Variants in NRXN3 observed in about 807,000 individuals in gnomAD.
NRXN3 encodes the protein neurexin 3.
Under a neutral mutation model 137.6 loss-of-function variants are expected in NRXN3, and 32 were observed. The ratio of observed to expected loss-of-function variants is 0.23; its 90% CI spans 0.18 to 0.31. The LOEUF is 0.31. NRXN3 is among the 10% of genes least tolerant of loss of function. The pLI, the probability that NRXN3 is intolerant of heterozygous loss-of-function variation, is 1.00. For synonymous variants in NRXN3, 798 were observed against 784.5 expected (o/e 1.02, Z -0.29); for missense variants, 1,574 against 2,062.5 (o/e 0.76, Z 4.59).
chr14:78,455,775 A>G (rs1297445374), intron 4 of NRXN3, among the ~76,000 whole-genome samples: 1 of 152,094 alleles, frequency 6.6e-6, no homozygotes, highest in Admixed American at 6.5e-5. Context: ...CCCACCTTCT[A>G]TCACCAGTGG....
At chr14:78,580,070 T>C (rs1022064651) in intron 4 of NRXN3, among the ~76,000 whole-genome samples, 2 of 152,144 alleles carry the variant, frequency 1.3e-5, no homozygotes, top group African/African-American at 4.8e-5. Context: ...CAAATGCTAA[T>C]TGTTTTTATC....
chr14:79,370,004 G>C (rs113020454), intron 15 of NRXN3, among the ~76,000 whole-genome samples: 1 of 152,154 alleles, frequency 6.6e-6, no homozygotes, highest in African/African-American at 2.4e-5. Flanking sequence ...TTTCTTGGGC[G>C]CATTGACCTT....
At chr14:79,279,407 C>G (rs960734527) in intron 15 of NRXN3, 2 of 986,084 alleles carry the variant, frequency 2.0e-6, no homozygotes, top group African/African-American at 3.5e-5. Context: ...CCTCCCTGGT[C>G]CGCGCACTTC....
rs78779439 is a variant in NRXN3 at position 79,559,438 on chromosome 14, A to G, written c.3444+92036A>G. ...GGGAGACCCAAGGAAAGGGGAAGAG[A>G]TTAGCGAGTGGCTGGTCAGTGGAGC... On this transcript the variant is annotated intron_variant, in intron 16 of 20. Coordinates refer to ENST00000335750, the MANE Select transcript of NRXN3 (RefSeq NM_001330195.2). Among the ~76,000 whole-genome samples, 956 of 152,234 alleles carry G rather than the reference A, an allele frequency of 6.3e-3. 12 individuals are homozygous for G. Among genetic ancestry groups the G allele is most frequent in the Middle Eastern group, 0.037 (11 of 294 alleles).
chr14:78,435,096 G>A (rs575654884), intron 4 of NRXN3, among the ~76,000 whole-genome samples: 33 of 152,328 alleles, frequency 2.2e-4, no homozygotes, highest in African/African-American at 7.7e-4. Flanking sequence ...AAAGAGACTT[G>A]TGTGCAATCT....
chr14:79,542,214 A>G (rs1018611746), intron 16 of NRXN3, among the ~76,000 whole-genome samples: 3 of 152,226 alleles, frequency 2.0e-5, no homozygotes, highest in Non-Finnish European at 4.4e-5. Flanking sequence ...CAATAGAAGA[A>G]TAACAAGATC....
chr14:79,358,609 GAAAGAAAGAAAGAA>G (rs2093544205), intron 15 of NRXN3, among the ~76,000 whole-genome samples: 1 of 53,356 alleles, frequency 1.9e-5, no homozygotes, highest in East Asian at 8.1e-4. Context: ...GAAAGAAAGA[GAAAGAAAGAAAGAA>G]AGAAAGAAAG....
chr14:79,563,573 G>A (rs764943304), intron 16 of NRXN3, among the ~76,000 whole-genome samples: 48 of 151,502 alleles, frequency 3.2e-4, no homozygotes, highest in Non-Finnish European at 6.6e-4. Flanking sequence ...TTAACGGTAG[G>A]ATTTTTTCCG....
At chr14:79,245,755 C>T (rs1296501130) in intron 15 of NRXN3, among the ~76,000 whole-genome samples, 1 of 152,104 alleles carries the variant, frequency 6.6e-6, no homozygotes, top group African/African-American at 2.4e-5. Flanking sequence ...ACTGATTTTC[C>T]GTTGTTTATT....
chr14:79,141,684 C>A (rs2058799427), intron 15 of NRXN3, among the ~76,000 whole-genome samples: 1 of 152,140 alleles, frequency 6.6e-6, no homozygotes, highest in Non-Finnish European at 1.5e-5. Context: ...TTTTCTGAAA[C>A]CATCCTGAGA....
At chr14:78,252,999 G>A (rs767727579) in intron 2 of NRXN3, among the ~76,000 whole-genome samples, 1 of 152,150 alleles carries the variant, frequency 6.6e-6, no homozygotes, top group Non-Finnish European at 1.5e-5. Context: ...TTCCAGACGG[G>A]GCCCTGTATC....
intron 19 of NRXN3, among the ~76,000 whole-genome samples, chr14:79,721,132 A>T (rs543914225): frequency 1.3e-5 from 2 of 152,302 alleles, no homozygotes; most frequent in Admixed American, 1.3e-4. Flanking sequence ...TCATAAATGC[A>T]TTCCATTTAG....
At chr14:79,365,491 G>T (rs8008332) in intron 15 of NRXN3, among the ~76,000 whole-genome samples, 4 of 150,162 alleles carry the variant, frequency 2.7e-5, no homozygotes, top group African/African-American at 7.3e-5. Flanking sequence ...AGGCCGAGGC[G>T]GGTGGATCAT....
At chr14:78,536,762 C>T (rs573960914) in intron 4 of NRXN3, among the ~76,000 whole-genome samples, 1 of 151,518 alleles carries the variant, frequency 6.6e-6, no homozygotes, top group Admixed American at 6.6e-5. Flanking sequence ...CCCCCAGCCC[C>T]CCACCCATGA....
At chr14:78,938,848 C>CTTTTTCTTT (rs1292820804) in intron 10 of NRXN3, among the ~76,000 whole-genome samples, 7 of 132,036 alleles carry the variant, frequency 5.3e-5, no homozygotes, top group African/African-American at 2.0e-4. Flanking sequence ...AGTGATTTTT[C>CTTTTTCTTT]TTTTTTTTTT....
Position 79,861,259 on chromosome 14 carries a change from G to A in NRXN3, c.4094-83G>A, listed in dbSNP as rs2099413437. Reference sequence around the variant, plus strand: ...ATGATGATGGCTTGGTGATATCTGGGTATGGCTCAGGGGAAACCTTTGACT... The same window carrying A: ...ATGATGATGGCTTGGTGATATCTGGATATGGCTCAGGGGAAACCTTTGACT... On this transcript the variant is annotated intron_variant, in intron 20 of 20. Transcript: ENST00000335750. This position sits in a 1 kb window ranked among gnomAD's most constrained non-coding sequence, Gnocchi z 5.4. 3 of 1,535,858 alleles carry A rather than the reference G, an allele frequency of 2.0e-6. No homozygotes were observed. The highest frequency in any genetic ancestry group is 2.4e-5 in the East Asian group (1 of 40,906).
chr14:78,541,771 T>C (rs1252705582), intron 4 of NRXN3, among the ~76,000 whole-genome samples: 1 of 152,202 alleles, frequency 6.6e-6, no homozygotes, highest in Non-Finnish European at 1.5e-5. Context: ...CCTTTGGTCT[T>C]TGATGTTGGT....
At chr14:78,773,325 C>T (rs1189649978) in intron 8 of NRXN3, among the ~76,000 whole-genome samples, 2 of 152,076 alleles carry the variant, frequency 1.3e-5, no homozygotes, top group African/African-American at 4.8e-5. Context: ...TTGAATGTGG[C>T]AGGAGTGAGA....
At chr14:79,820,612 G>A (rs905156196) in intron 20 of NRXN3, among the ~76,000 whole-genome samples, 6 of 152,086 alleles carry the variant, frequency 3.9e-5, no homozygotes, top group African/African-American at 1.2e-4. Context: ...GATCATCTAG[G>A]TATTAAGCCC....
Sources: gnomAD v4.1 joint callset for allele counts (sites outside exome capture counted in the v4.1 genomes callset) on GRCh38, gnomAD v4.1.1 for gene constraint, Gnocchi (gnomAD v3.1) non-coding constraint, MANE v1.5 for transcripts, NCBI Gene and HGNC (gene_info 2026-07-23, HGNC 2026-07-21) for gene names.